The following REPS1 variants were observed in gnomAD, a reference collection of about 807,000 sequenced individuals.
REPS1 encodes the protein ralBP1-associated Eps domain-containing protein 1.
In REPS1, 39 loss-of-function variants were observed where a neutral mutation model predicts 100.9. The ratio of observed to expected loss-of-function variants is 0.39; its 90% CI spans 0.30 to 0.50. REPS1 has a LOEUF of 0.50. Among genes scored for constraint, REPS1 ranks in the 20% least tolerant of loss-of-function variants. REPS1 has a pLI of 0.86. For missense variants in REPS1, 821 were observed against 968.5 expected (o/e 0.85, Z 2.02); for synonymous variants, 324 against 340.3 (o/e 0.95, Z 0.53).
chr6:138,942,348 C>G (rs574236327), intron 7 of REPS1, among the ~76,000 whole-genome samples: 1 of 152,168 alleles, frequency 6.6e-6, no homozygotes, highest in South Asian at 2.1e-4. Flanking sequence ...TACTACAGCA[C>G]TCTATGCTAC....
chr6:138,911,470 T>C (rs1780000269), intron 16 of REPS1, 99 bp from the exon 17 acceptor site: 1 of 843,340 alleles, frequency 1.2e-6, no homozygotes, highest in Non-Finnish European at 1.9e-6. Flanking sequence ...TTAAATATTC[T>C]GACAAGAAAA....
At position 138,945,716 on chromosome 6, in the gene REPS1, T is replaced by A; in HGVS notation, c.278-19A>T. The stretch of plus-strand genomic sequence containing the variant: ...TCCTTTACTGTTAACCACAAAATAA[T>A]CATTACTTCAAAATAAAAAAGGACA... On this transcript the variant is annotated intron_variant, in intron 2 of 19. Transcript: ENST00000450536. 9 of 1,503,772 alleles carry A rather than the reference T, an allele frequency of 6.0e-6. No homozygotes were observed. The highest frequency in any genetic ancestry group is 8.0e-6 in the Non-Finnish European group (9 of 1,124,050). 93.2% of individuals were successfully genotyped at this position (1,503,772 alleles called of 1,614,324 possible).
intron 10 of REPS1, among the ~76,000 whole-genome samples, chr6:138,923,829 C>T (rs1175500723): frequency 6.6e-6 from 1 of 152,174 alleles, no homozygotes; most frequent in Non-Finnish European, 1.5e-5. Flanking sequence ...GAGCAAATGG[C>T]TAATTATTAC....
At chr6:138,974,794 T>C (rs952734318) in intron 1 of REPS1, among the ~76,000 whole-genome samples, 26 of 152,264 alleles carry the variant, frequency 1.7e-4, no homozygotes, top group Non-Finnish European at 3.5e-4. Flanking sequence ...ACGCCTGTAA[T>C]CCTTGCTTGA....
intron 8 of REPS1, among the ~76,000 whole-genome samples, chr6:138,935,954 A>G (rs1451610211): frequency 6.6e-6 from 1 of 150,720 alleles, no homozygotes; most frequent in Non-Finnish European, 1.5e-5. Context: ...GCACTAATTG[A>G]GTCAGTGAAC....
intron 1 of REPS1, among the ~76,000 whole-genome samples, chr6:138,975,314 A>AGAGCAAGAAGT (rs1236021147): frequency 6.6e-6 from 1 of 152,204 alleles, no homozygotes; most frequent in South Asian, 2.1e-4. Flanking sequence ...TCACTTCAAG[A>AGAGCAAGAAGT]GAGCAAACCC....
At chr6:138,947,035 G>GCTCTCTCTCTCTCTTGCTCTCTCT (rs1554292164) in intron 2 of REPS1, among the ~76,000 whole-genome samples, 7 of 137,634 alleles carry the variant, frequency 5.1e-5, no homozygotes, top group African/African-American at 1.7e-4. Flanking sequence ...ATTCCCCCTT[G>GCTCTCTCTCTCTCTTGCTCTCTCT]CTCTCTCTCT....
At chr6:138,908,266 T>C (rs1376980598) in intron 18 of REPS1, among the ~76,000 whole-genome samples, 1 of 152,190 alleles carries the variant, frequency 6.6e-6, no homozygotes, top group East Asian at 1.9e-4. Flanking sequence ...AGAACTAGTC[T>C]GACCATAATT....
At position 138,945,606 on chromosome 6, in the gene REPS1, T is replaced by G; in HGVS notation, c.369A>C (p.Gln123His). The change falls in exon 3 of 20, where the codon CAA (glutamine) becomes CAC (histidine). Residue 123 changes from glutamine (Q) to histidine (H), a missense_variant. Physicochemically the swap from Gln to His is conservative, Grantham distance 24. This residue lies in a region of REPS1 where 757 missense variants were observed against 866.4 expected (regional missense o/e 0.87). Transcript: ENST00000450536. ...GGGGAATTACACCAGAATACGACCCTTGATTTTCAGAATCTGAAGAATATG... is the reference window on the plus strand; with the variant it reads ...GGGGAATTACACCAGAATACGACCCGTGATTTTCAGAATCTGAAGAATATG... Reference protein sequence around the residue: ...AASYSSDSENQGSYSGVIPPP... With the variant: ...AASYSSDSENHGSYSGVIPPP... 6.2e-7 allele frequency: 1 copy of G among 1,613,696 alleles called. No individual in the cohort carries two copies. Among genetic ancestry groups the G allele is most frequent in the Non-Finnish European group, 8.5e-7 (1 of 1,179,876 alleles).
In REPS1 at chr6:138,912,878, G is replaced by C. The variant is rs753562859; in HGVS notation, c.1858C>G (p.Gln620Glu). Residue 620 changes from glutamine (Q) to glutamate (E), a missense_variant, in exon 16 of 20, where the codon CAG becomes GAG. Gln to Glu is a conservative substitution (Grantham distance 29). Transcript: ENST00000450536. Reference protein sequence around the residue: ...LITHTSTSPQQIPEQPNFADF... With the variant: ...LITHTSTSPQEIPEQPNFADF... ...GCAAAATTTGGTTGCTCTGGTATCT[G>C]CTGAGGTGAGGTACTAGTGTGAGTT... is the stretch of plus-strand genomic sequence containing the variant. The C allele has an allele frequency of 6.2e-7, 1 of 1,614,130 alleles. No homozygotes were observed. Among genetic ancestry groups the C allele is most frequent in the Non-Finnish European group, 8.5e-7 (1 of 1,179,994 alleles).
chr6:138,929,287 G>A (rs1221464990), intron 9 of REPS1: 4 of 152,176 alleles, frequency 2.6e-5, no homozygotes, highest in African/African-American at 9.7e-5. Flanking sequence ...TGTTTTAGGG[G>A]AGGCAGGGCC....
chr6:138,953,982 T>A (rs1783210273), intron 1 of REPS1, among the ~76,000 whole-genome samples: 1 of 152,142 alleles, frequency 6.6e-6, no homozygotes, highest in South Asian at 2.1e-4. Flanking sequence ...AAATGTGCTA[T>A]ATAATATATA....
At chr6:138,982,570 T>C (rs1421973340) in intron 1 of REPS1, among the ~76,000 whole-genome samples, 3 of 152,200 alleles carry the variant, frequency 2.0e-5, no homozygotes, top group Non-Finnish European at 4.4e-5. Context: ...AATAAACTAC[T>C]TTGGGAAAAG....
At chr6:138,935,356 A>C (rs1781737794) in intron 8 of REPS1, among the ~76,000 whole-genome samples, 1 of 152,202 alleles carries the variant, frequency 6.6e-6, no homozygotes, top group African/African-American at 2.4e-5. Context: ...TCAACATCTG[A>C]CTCAATTATT....
intron 1 of REPS1, among the ~76,000 whole-genome samples, chr6:138,954,237 T>G (rs1040360609): frequency 6.6e-6 from 1 of 151,732 alleles, no homozygotes; most frequent in Admixed American, 6.6e-5. Context: ...GACAACTAGA[T>G]AGGAGGAATA....
intron 1 of REPS1, among the ~76,000 whole-genome samples, chr6:138,957,983 G>T (rs1329817092): frequency 6.6e-6 from 1 of 152,114 alleles, no homozygotes; most frequent in Non-Finnish European, 1.5e-5. Flanking sequence ...AAACCGAGTG[G>T]GAGAAGTATA....
At chr6:138,947,159 G>A (rs772082409) in intron 2 of REPS1, among the ~76,000 whole-genome samples, 2 of 151,800 alleles carry the variant, frequency 1.3e-5, no homozygotes, top group Non-Finnish European at 2.9e-5. Context: ...GAGCTATGCA[G>A]AAGTGAGTCA....
intron 19 of REPS1, 166 bp downstream of exon 19, chr6:138,907,329 T>G (rs1489402416): frequency 4.2e-6 from 2 of 471,406 alleles, no homozygotes; most frequent in African/African-American, 2.1e-5. Context: ...TGTGTGTGTG[T>G]GTGTGTGTGT....
intron 1 of REPS1, among the ~76,000 whole-genome samples, chr6:138,964,420 A>C (rs1339245296): frequency 6.6e-6 from 1 of 152,108 alleles, no homozygotes; most frequent in Non-Finnish European, 1.5e-5. Flanking sequence ...GAAATATATA[A>C]AATTCATCAT....
Sources: gnomAD v4.1 joint callset for allele counts (sites outside exome capture counted in the v4.1 genomes callset) on GRCh38, gnomAD v4.1.1 for gene constraint, gnomAD v4.1.1 regional missense constraint, MANE v1.5 for transcripts, NCBI Gene and HGNC (gene_info 2026-07-23, HGNC 2026-07-21) for gene names.